The following MARK3 variants were observed in gnomAD, a reference collection of about 807,000 sequenced individuals.
MARK3 encodes MAP/microtubule affinity-regulating kinase 3.
A neutral mutation model predicts 90.1 loss-of-function variants in MARK3; 46 were observed. The observed-to-expected ratio is 0.51, with a 90% CI of 0.40 to 0.65. MARK3 has a LOEUF of 0.65. Ranked by LOEUF, MARK3 falls within the 30% of genes least tolerant of loss-of-function variation. MARK3 has a pLI of 0.00. For synonymous variants in MARK3, 321 were observed against 332.6 expected (o/e 0.97, Z 0.38); for missense variants, 818 against 947.2 (o/e 0.86, Z 1.79).
intron 13 of MARK3, among the ~76,000 whole-genome samples, chr14:103,475,928 G>C (rs1035879487): frequency 6.6e-6 from 1 of 150,530 alleles, no homozygotes; most frequent in Non-Finnish European, 1.5e-5. Context: ...TGGCGACAGA[G>C]CGAGACTCCT....
chr14:103,434,268 T>C (rs574857546), intron 3 of MARK3, among the ~76,000 whole-genome samples: 10 of 152,180 alleles, frequency 6.6e-5, no homozygotes, highest in Non-Finnish European at 1.2e-4. Context: ...TTAACCAAGT[T>C]GTCCGCTCTA....
In MARK3 at chr14:103,503,002, C is replaced by G. The variant is rs371959467; in HGVS notation, c.2037C>G (p.Ile679Met). The G allele has an allele frequency of 4.9e-5, 79 of 1,614,146 alleles. No individual in the cohort carries two copies. The highest frequency in any genetic ancestry group is 6.4e-5 in the Non-Finnish European group (75 of 1,180,062). Residue 679 changes from isoleucine to methionine, a missense_variant, in exon 18 of 18, where the codon ATC becomes ATG. Ile to Met is a conservative substitution (Grantham distance 10, BLOSUM62 1). Transcript: ENST00000429436. ...ATCCCGGGGACATGATGCGGGAAAT[C>G]CGCAAAGTGTTGGACGCCAATAACT... Reference protein sequence around the residue: ...SMDPGDMMREIRKVLDANNCD... With the variant: ...SMDPGDMMREMRKVLDANNCD...
intron 2 of MARK3, among the ~76,000 whole-genome samples, chr14:103,427,019 A>G (rs190753291): frequency 2.2e-3 from 332 of 152,244 alleles, no homozygotes; most frequent in Middle Eastern, 6.8e-3. Context: ...GCTACATTGC[A>G]TATGTTTTTA....
At chr14:103,490,107 C>T (rs912982010) in intron 14 of MARK3, 1 of 152,308 alleles carries the variant, frequency 6.6e-6, no homozygotes, top group African/African-American at 2.4e-5. Context: ...CGTTTGAGCC[C>T]AGGAGTTCAA....
chr14:103,490,929 G>C (rs1277074531), intron 14 of MARK3: 6 of 1,255,134 alleles, frequency 4.8e-6, no homozygotes, highest in Non-Finnish European at 6.2e-6. Context: ...TTCTGCCTCT[G>C]CCTGAACCCA....
chr14:103,468,638 T>C (rs1023197413), intron 12 of MARK3, among the ~76,000 whole-genome samples: 1 of 152,076 alleles, frequency 6.6e-6, no homozygotes. Flanking sequence ...CATTTTTTCT[T>C]AGTGTTCCTG....
chr14:103,437,800 G>A lies in MARK3; in HGVS notation c.297+9360G>A, dbSNP rs190601012. ...CATGTCAGGAGTTTATTGTGTGCCAGGTGCTGTTCCATGCACTCTGTATGT... is the reference window on the plus strand; with the variant it reads ...CATGTCAGGAGTTTATTGTGTGCCAAGTGCTGTTCCATGCACTCTGTATGT... On this transcript the variant is annotated intron_variant, in intron 3 of 17. Transcript: ENST00000429436. Among the ~76,000 whole-genome samples the A allele has an allele frequency of 1.7e-4, 26 of 152,266 alleles. No homozygotes were observed. In the East Asian group the frequency reaches 4.8e-3, roughly 28 times the overall value.
At chr14:103,458,480 C>CAAAAA in intron 6 of MARK3, among the ~76,000 whole-genome samples, 1 of 98,434 alleles carries the variant, frequency 1.0e-5, no homozygotes, top group East Asian at 3.6e-4. Flanking sequence ...AAAAAAGAAG[C>CAAAAA]AGCAGCTGTA....
intron 3 of MARK3, among the ~76,000 whole-genome samples, chr14:103,429,687 G>A (rs916766964): frequency 6.6e-6 from 1 of 152,192 alleles, no homozygotes. Context: ...GTCCTGAAGA[G>A]TAAATTTTAT....
In MARK3 at chr14:103,502,884, G is replaced by C. The variant is rs763442191; in HGVS notation, c.1919G>C (p.Arg640Pro). ...AAACCTGCCTCTATGCATTTCAGTC[G>C]CAATGTATCTGCTGAGCAAAAAGAT... ...ERNGRYEGSS[R>P]NVSAEQKDEN... The change falls in exon 18 of 18, where the codon CGC becomes CCC. Residue 640 changes from arginine to proline, a missense_variant and splice_region_variant. Coordinates refer to ENST00000429436, the MANE Select transcript of MARK3 (RefSeq NM_001128918.3). The C allele has an allele frequency of 2.5e-6, 4 of 1,604,164 alleles. No homozygotes were observed. Among genetic ancestry groups the C allele is most frequent in the Non-Finnish European group, 8.5e-7 (1 of 1,172,640 alleles).
chr14:103,479,926 T>C (rs2093788735), intron 13 of MARK3, among the ~76,000 whole-genome samples: 2 of 152,092 alleles, frequency 1.3e-5, no homozygotes, highest in Admixed American at 1.3e-4. Context: ...AGGTGTGAGC[T>C]ACCGCGCCCA....
chr14:103,503,104 G>A lies in MARK3; in HGVS notation c.2139G>A (p.Trp713Ter). ...GGCACGCGGAGAACCTCGTGCAGTG[G>A]GAAATGGAAGTGTGCAAGCTGCCAA... ...GDGHAENLVQ[W>*]EMEVCKLPRL... is the part of the protein sequence containing the mutation. The change falls in exon 18 of 18, where the codon TGG becomes TGA. Residue 713 changes from tryptophan (W) to a stop codon, truncating the protein, a stop_gained. Transcript: ENST00000429436. LOFTEE classifies it high-confidence loss of function. 6.2e-7 allele frequency: 1 copy of A among 1,614,214 alleles called. No individual in the cohort carries two copies. Among genetic ancestry groups the A allele is most frequent in the Non-Finnish European group, 8.5e-7 (1 of 1,180,046 alleles).
chr14:103,503,302 AT>A lies in MARK3; in HGVS notation c.*78del. 1 of 1,247,948 alleles carries A rather than the reference AT, an allele frequency of 8.0e-7. No individual in the cohort carries two copies. Among genetic ancestry groups the A allele is most frequent in the Non-Finnish European group, 1.1e-6 (1 of 890,026 alleles). 77.3% of individuals were successfully genotyped at this position (1,247,948 alleles called of 1,614,324 possible). On this transcript the variant is annotated 3_prime_UTR_variant, in exon 18 of 18. Transcript: ENST00000429436. ...CACTGATGGAAATGTATAGAATAAT[AT>A]TTAGGCAATAACGTCTGCATCTTCT...
chr14:103,458,454 CAAAAAAAAAAAAA>C (rs36020485), intron 6 of MARK3, among the ~76,000 whole-genome samples: 2 of 30,776 alleles, frequency 6.5e-5, no homozygotes, highest in African/African-American at 2.3e-4. Context: ...GACTCCATCT[CAAAAAAAAAAAAA>C]AAAAAAAAGA....
intron 14 of MARK3, among the ~76,000 whole-genome samples, chr14:103,488,143 CAGTT>C (rs534113151): frequency 1.3e-5 from 2 of 152,040 alleles, no homozygotes; most frequent in Non-Finnish European, 2.9e-5. Flanking sequence ...AAACCTTAGT[CAGTT>C]AGAACTGTCT....
intron 14 of MARK3, among the ~76,000 whole-genome samples, chr14:103,486,314 C>T (rs949145824): frequency 3.3e-5 from 5 of 151,982 alleles, no homozygotes; most frequent in Non-Finnish European, 5.9e-5. Context: ...TGGTACATGC[C>T]GGTAGTCCCA....
At chr14:103,471,471 G>A (rs373028126) in intron 12 of MARK3, among the ~76,000 whole-genome samples, 215 of 152,314 alleles carry the variant, frequency 1.4e-3, no homozygotes, top group African/African-American at 4.9e-3. Context: ...CAAGCCCTGT[G>A]TTTTTTCTCC....
intron 14 of MARK3, among the ~76,000 whole-genome samples, chr14:103,488,901 C>T (rs1262299328): frequency 6.6e-6 from 1 of 152,156 alleles, no homozygotes; most frequent in Admixed American, 6.5e-5. Flanking sequence ...ATTTTAAAGA[C>T]GTATCTGCTT....
At chr14:103,454,516 CTGGGATTATAGG>C in intron 5 of MARK3, among the ~76,000 whole-genome samples, 1 of 152,284 alleles carries the variant, frequency 6.6e-6, no homozygotes, top group Non-Finnish European at 1.5e-5. Flanking sequence ...TCCCAAATTG[CTGGGATTATAGG>C]TGTGAGCCAC....
Sources: allele counts gnomAD v4.1 joint callset (sites outside exome capture counted in the v4.1 genomes callset), GRCh38; gene constraint gnomAD v4.1.1; transcripts MANE v1.5; gene names NCBI Gene and HGNC (gene_info 2026-07-23, HGNC 2026-07-21).